The following TRAPPC8 variants were observed in gnomAD, a reference collection of about 807,000 sequenced individuals.
TRAPPC8 encodes the protein trafficking protein particle complex subunit 8.
In TRAPPC8, 54 loss-of-function variants were observed where a neutral mutation model predicts 174.3. The observed-to-expected ratio is 0.31, with a 90% CI of 0.25 to 0.39. The LOEUF is 0.39. Among genes scored for constraint, TRAPPC8 ranks in the 10% least tolerant of loss-of-function variants. The pLI is 1.00. For missense variants in TRAPPC8, 1,531 were observed against 1,699.1 expected (o/e 0.90, Z 1.74); for synonymous variants, 630 against 579.9 (o/e 1.09, Z -1.24).
intron 20 of TRAPPC8, among the ~76,000 whole-genome samples, 200 bp downstream of exon 20, chr18:31,857,340 T>A (rs761963934): frequency 6.6e-6 from 1 of 152,186 alleles, no homozygotes; most frequent in Non-Finnish European, 1.5e-5. Flanking sequence ...TAAAAAAATG[T>A]GTGCCGTTAA....
chr18:31,906,655 T>C (rs562995440), intron 9 of TRAPPC8, among the ~76,000 whole-genome samples: 2 of 152,328 alleles, frequency 1.3e-5, no homozygotes, highest in African/African-American at 2.4e-5. Context: ...ATTACACATA[T>C]ATCTGTGGTA....
intron 1 of TRAPPC8, among the ~76,000 whole-genome samples, chr18:31,934,341 T>C: frequency 6.6e-6 from 1 of 151,938 alleles, no homozygotes; most frequent in South Asian, 2.1e-4. Flanking sequence ...AAAAAGCAAA[T>C]ATGATGGAGG....
At chr18:31,907,408 A>G (rs2036709865) in intron 9 of TRAPPC8, 52 bp downstream of exon 9, 2 of 1,498,528 alleles carry the variant, frequency 1.3e-6, no homozygotes, top group South Asian at 1.4e-5. Context: ...AGAAATTTCT[A>G]AATAATTTAT....
At chr18:31,881,874 T>A (rs914851050) in intron 12 of TRAPPC8, among the ~76,000 whole-genome samples, 1 of 152,056 alleles carries the variant, frequency 6.6e-6, no homozygotes, top group Non-Finnish European at 1.5e-5. Flanking sequence ...ATGAAAAATA[T>A]GAAAAAATAC....
intron 9 of TRAPPC8, among the ~76,000 whole-genome samples, chr18:31,906,792 T>G (rs763562151): frequency 4.7e-4 from 71 of 152,204 alleles, no homozygotes; most frequent in Non-Finnish European, 9.4e-4. Context: ...ATATAAGGCA[T>G]TATGCTAAGT....
At position 31,934,585 on chromosome 18, in the gene TRAPPC8, T is replaced by C. The variant is rs115678969; in HGVS notation, c.158-3062A>G. On this transcript the variant is annotated intron_variant, in intron 1 of 28. Coordinates refer to ENST00000283351, the MANE Select transcript of TRAPPC8 (RefSeq NM_014939.5). ...AAGTATTTTCCTTAAAGTTGCTTCA[T>C]AGCTGGGCGCAGTGGCTCACACCTG... Among the ~76,000 whole-genome samples the C allele has an allele frequency of 3.4e-3, 519 of 152,238 alleles. 5 individuals carry two copies. Among genetic ancestry groups the C allele is most frequent in the African/African-American group, 0.012 (491 of 41,560 alleles).
intron 19 of TRAPPC8, among the ~76,000 whole-genome samples, chr18:31,860,664 C>A (rs1476505515): frequency 1.3e-5 from 2 of 152,190 alleles, no homozygotes; most frequent in African/African-American, 4.8e-5. Context: ...CACCAGTTTT[C>A]ATGTCTTCCA....
intron 19 of TRAPPC8, 93 bp from the exon 20 acceptor site, chr18:31,858,075 C>G: frequency 1.1e-6 from 1 of 944,128 alleles, no homozygotes; most frequent in Non-Finnish European, 1.6e-6. Flanking sequence ...TTTTTTTTAC[C>G]AAAGGTTTAC....
chr18:31,873,208 G>A lies in TRAPPC8; in HGVS notation c.2062+222C>T, dbSNP rs185640401. On this transcript the variant is annotated intron_variant, in intron 14 of 28. Coordinates refer to ENST00000283351, the MANE Select transcript of TRAPPC8 (RefSeq NM_014939.5). ...AATTTTTTGTATTTTTAGTAGAGAT[G>A]GGGTTTCACCATGTTAGCCAGGATG... 7.3e-3 allele frequency among the ~76,000 whole-genome samples: 1,103 copies of A among 150,864 alleles called. 16 individuals carry two copies. The highest frequency in any genetic ancestry group is 0.025 in the African/African-American group (1,044 of 41,116).
intron 20 of TRAPPC8, among the ~76,000 whole-genome samples, chr18:31,856,670 CTG>C (rs2034030857): frequency 6.6e-6 from 1 of 152,174 alleles, no homozygotes; most frequent in South Asian, 2.1e-4. Context: ...AAATTTTACA[CTG>C]TGGCTGAACT....
At chr18:31,922,642 T>TA (rs1405391579) in intron 2 of TRAPPC8, among the ~76,000 whole-genome samples, 4 of 152,108 alleles carry the variant, frequency 2.6e-5, no homozygotes, top group African/African-American at 9.7e-5. Flanking sequence ...TATCTTGGGA[T>TA]AAAAATCACT....
intron 26 of TRAPPC8, among the ~76,000 whole-genome samples, chr18:31,841,529 G>T (rs1329454601): frequency 1.3e-5 from 2 of 151,940 alleles, no homozygotes; most frequent in African/African-American, 4.8e-5. Flanking sequence ...AATTAATTCA[G>T]AAACGTTAAA....
chr18:31,935,363 C>CAAAAA (rs1568157775), intron 1 of TRAPPC8, among the ~76,000 whole-genome samples: 1 of 2,422 alleles, frequency 4.1e-4, no homozygotes, highest in South Asian at 0.021. Context: ...AACAAACAAA[C>CAAAAA]CAAAAAAAAA....
chr18:31,921,962 T>C (rs1428927791), intron 2 of TRAPPC8, among the ~76,000 whole-genome samples: 1 of 152,216 alleles, frequency 6.6e-6, no homozygotes, highest in African/African-American at 2.4e-5. Flanking sequence ...GAAAACTATA[T>C]TACATGAGTG....
intron 9 of TRAPPC8, among the ~76,000 whole-genome samples, chr18:31,903,121 C>CAT (rs1555674908): frequency 2.0e-5 from 3 of 149,010 alleles, no homozygotes; most frequent in Admixed American, 6.7e-5. Context: ...TGCGTGCGTG[C>CAT]GTGTGTGTGT....
intron 27 of TRAPPC8, among the ~76,000 whole-genome samples, chr18:31,835,554 T>C (rs1944911457): frequency 6.6e-6 from 1 of 152,178 alleles, no homozygotes; most frequent in Admixed American, 6.5e-5. Context: ...CAACTATCCC[T>C]AACATAATAC....
chr18:31,926,365 G>GAT (rs1555680643), intron 2 of TRAPPC8: 2 of 152,072 alleles, frequency 1.3e-5, no homozygotes, highest in Non-Finnish European at 2.9e-5. Context: ...AGGAGCCATT[G>GAT]ATAAATGGGT....
intron 12 of TRAPPC8, among the ~76,000 whole-genome samples, chr18:31,876,983 C>T (rs1451574253): frequency 1.3e-5 from 2 of 152,338 alleles, no homozygotes; most frequent in East Asian, 3.9e-4. Context: ...CTAACATATT[C>T]ACAACTGCTG....
intron 27 of TRAPPC8, among the ~76,000 whole-genome samples, chr18:31,839,058 G>T (rs1362203206): frequency 6.6e-6 from 1 of 152,014 alleles, no homozygotes; most frequent in Non-Finnish European, 1.5e-5. Context: ...CTTATTTTTA[G>T]AATTTTAGAG....
Sources: gnomAD v4.1 joint callset for allele counts (sites outside exome capture counted in the v4.1 genomes callset) on GRCh38, gnomAD v4.1.1 for gene constraint, MANE v1.5 for transcripts, NCBI Gene and HGNC (gene_info 2026-07-23, HGNC 2026-07-21) for gene names.